The following DPF3 variants were observed in gnomAD, a reference collection of about 807,000 sequenced individuals.
The protein encoded by DPF3 is zinc finger protein DPF3.
Under a neutral mutation model 56.8 loss-of-function variants are expected in DPF3, and 18 were observed. The observed-to-expected ratio is 0.32, with a 90% confidence interval of 0.22 to 0.47. The LOEUF is 0.47. Among genes scored for constraint, DPF3 ranks in the 20% least tolerant of loss-of-function variants. The pLI is 1.00. For synonymous variants in DPF3, 188 were observed against 180.2 expected (o/e 1.04, Z -0.35); for missense variants, 403 against 488.8 (o/e 0.82, Z 1.65).
At chr14:72,695,635 A>ATGGTTGTGTTTTATGGCTGTGTAATAT (rs1887868679) in intron 6 of DPF3, among the ~76,000 whole-genome samples, 1 of 152,194 alleles carries the variant, frequency 6.6e-6, no homozygotes, top group African/African-American at 2.4e-5. Context: ...TCCACGGAAT[A>ATGGTTGTGTTTTATGGCTGTGTAATAT]TCCTGAACAC....
Position 72,815,570 on chromosome 14 carries a change from A to G in DPF3, c.33-43677T>C, listed in dbSNP as rs1883248688. ...TCTGCATAATGGCCAAAACTTGGGAACACCCAAGTGCTCATCAGTTGGTAA... is the reference window on the plus strand; with the variant it reads ...TCTGCATAATGGCCAAAACTTGGGAGCACCCAAGTGCTCATCAGTTGGTAA... On this transcript the variant is annotated intron_variant, in intron 1 of 10. Coordinates refer to ENST00000556509, the MANE Select transcript of DPF3 (RefSeq NM_001280542.3). 3.3e-5 allele frequency among the ~76,000 whole-genome samples: 5 copies of G among 152,376 alleles called. 1 individual carries two copies. In the South Asian group the frequency reaches 1.0e-3, roughly 32 times the overall value.
chr14:72,720,200 G>T (rs1177930873), intron 5 of DPF3, among the ~76,000 whole-genome samples: 1 of 152,110 alleles, frequency 6.6e-6, no homozygotes, highest in East Asian at 1.9e-4. Context: ...CACTTTAAAT[G>T]GTGGGCAATG....
intron 3 of DPF3, among the ~76,000 whole-genome samples, chr14:72,732,265 A>C (rs1889688853): frequency 6.6e-6 from 1 of 152,218 alleles, no homozygotes. Flanking sequence ...TGGAGCCCTT[A>C]TTGCATCCAC....
In DPF3 at chr14:72,613,467, C is replaced by T. The variant is rs191151895; in HGVS notation, c.*5830G>A. On this transcript the variant is annotated 3_prime_UTR_variant, in exon 11 of 11. Transcript: ENST00000556509. Reference sequence around the variant, plus strand: ...CGCCATCAGCAAAATACTCCCTTCTCCTGGTGGAGCCAAAGAAGGGGAACT... The same window carrying T: ...CGCCATCAGCAAAATACTCCCTTCTTCTGGTGGAGCCAAAGAAGGGGAACT... Among the ~76,000 whole-genome samples, 103 of 152,330 alleles carry T rather than the reference C, an allele frequency of 6.8e-4. No individual in the cohort carries two copies. The highest frequency in any genetic ancestry group is 1.1e-3 in the Non-Finnish European group (77 of 68,006).
At chr14:72,661,854 CTTTT>C (rs60114618) in intron 8 of DPF3, 34,729 of 914,058 alleles carry the variant, frequency 0.038, 74 homozygotes, top group Middle Eastern at 0.06. Context: ...TTTATTTTTG[CTTTT>C]TTTTTTTTTT....
At chr14:72,712,174 C>A (rs766189929) in intron 6 of DPF3, among the ~76,000 whole-genome samples, 1 of 151,980 alleles carries the variant, frequency 6.6e-6, no homozygotes, top group Non-Finnish European at 1.5e-5. Context: ...TGCCGTCAGG[C>A]CTCCCAGGCA....
At chr14:72,724,314 T>A (rs2139843374) in intron 4 of DPF3, among the ~76,000 whole-genome samples, 1 of 152,052 alleles carries the variant, frequency 6.6e-6, no homozygotes, top group East Asian at 1.9e-4. Context: ...TTTTAAATTA[T>A]CTCTCTCCAG....
chr14:72,877,048 T>C (rs1343552086), intron 1 of DPF3, among the ~76,000 whole-genome samples: 1 of 152,090 alleles, frequency 6.6e-6, no homozygotes, highest in African/African-American at 2.4e-5. Context: ...GTGCAATTCA[T>C]GGAGGAAAGG....
chr14:72,760,213 GTA>G (rs2032370697), intron 2 of DPF3, among the ~76,000 whole-genome samples: 1 of 152,168 alleles, frequency 6.6e-6, no homozygotes, highest in Non-Finnish European at 1.5e-5. Context: ...GCTCATACCT[GTA>G]ATCCCAACAA....
chr14:72,644,152 A>G (rs1250666494), intron 8 of DPF3, among the ~76,000 whole-genome samples: 1 of 152,192 alleles, frequency 6.6e-6, no homozygotes, highest in East Asian at 1.9e-4. Context: ...AAAAAGAAGA[A>G]ACAGCAATTG....
Position 72,687,334 on chromosome 14 carries a change from A to AG in DPF3, c.742+5741dup, listed in dbSNP as rs201458247. 4.0e-4 allele frequency among the ~76,000 whole-genome samples: 61 copies of AG among 152,346 alleles called. No individual in the cohort carries two copies. In the East Asian group the frequency reaches 0.01, roughly 26 times the overall value. On this transcript the variant is annotated intron_variant, in intron 7 of 10. Coordinates refer to ENST00000556509, the MANE Select transcript of DPF3 (RefSeq NM_001280542.3). ...TCATATTTTTTTAAATTTCCCTCTTAGGAGCTCTGAGTATGCTATAGAGAG... is the reference window on the plus strand; with the variant it reads ...TCATATTTTTTTAAATTTCCCTCTTAGGGAGCTCTGAGTATGCTATAGAGAG...
chr14:72,819,917 G>A lies in DPF3; in HGVS notation c.33-48024C>T, dbSNP rs547252653. 1.1e-4 allele frequency among the ~76,000 whole-genome samples: 17 copies of A among 152,242 alleles called. No individual in the cohort carries two copies. In the East Asian group the frequency reaches 1.3e-3, roughly 12 times the overall value. Reference sequence around the variant, plus strand: ...TGCACCACTACACTCCAACCTGGGCGACAAAGTGAGAACTTGTCTTATTAA... The same window carrying A: ...TGCACCACTACACTCCAACCTGGGCAACAAAGTGAGAACTTGTCTTATTAA... On this transcript the variant is annotated intron_variant, in intron 1 of 10. Coordinates refer to ENST00000556509, the MANE Select transcript of DPF3 (RefSeq NM_001280542.3).
intron 4 of DPF3, among the ~76,000 whole-genome samples, chr14:72,726,668 A>T (rs1175678130): frequency 6.6e-6 from 1 of 152,194 alleles, no homozygotes; most frequent in Non-Finnish European, 1.5e-5. Flanking sequence ...GGAGTCCTGC[A>T]TCAGGAGTCG....
At position 72,670,635 on chromosome 14, in the gene DPF3, TTCTCTCTC is replaced by T. The variant is rs140358812; in HGVS notation, c.871+3597_871+3604del. ...ATTGCTTCGATTTCTTTGATTTCCC[TTCTCTCTC>T]TCTCTCTCTCTCTCTCGCAAAAAAA... On this transcript the variant is annotated intron_variant, in intron 8 of 10. Transcript: ENST00000556509. 35 of 934,982 alleles carry T rather than the reference TTCTCTCTC, an allele frequency of 3.7e-5. No homozygotes were observed. The Admixed American group carries it at 1.1e-3, about 28-fold the overall frequency. The allele number at this position is 934,982 out of a possible 1,614,324, so 57.9% of individuals were successfully genotyped here. A position where few individuals can be genotyped will look rare whatever the true frequency, so the allele number is the denominator to read the frequency against.
chr14:72,753,563 C>T (rs1890667849), intron 2 of DPF3, among the ~76,000 whole-genome samples, 192 bp from the exon 3 acceptor site: 1 of 152,208 alleles, frequency 6.6e-6, no homozygotes, highest in Non-Finnish European at 1.5e-5. Flanking sequence ...GACCCTGGCT[C>T]TGTCAGCTCC....
At chr14:72,856,035 A>G (rs1885157677) in intron 1 of DPF3, among the ~76,000 whole-genome samples, 1 of 152,230 alleles carries the variant, frequency 6.6e-6, no homozygotes, top group African/African-American at 2.4e-5. Flanking sequence ...GTGTTGAATG[A>G]CTGTGGCCTC....
chr14:72,853,587 G>A (rs1206061649), intron 1 of DPF3, among the ~76,000 whole-genome samples: 1 of 146,708 alleles, frequency 6.8e-6, no homozygotes, highest in Non-Finnish European at 1.5e-5. Context: ...TGATTCTCCT[G>A]CCTCAGCCTC....
intron 9 of DPF3, among the ~76,000 whole-genome samples, chr14:72,621,670 AG>A (rs1193105338): frequency 1.3e-5 from 2 of 152,228 alleles, no homozygotes; most frequent in African/African-American, 4.8e-5. Context: ...TTCATTCAAG[AG>A]GCCCGGGGAC....
rs922991884 is a variant in DPF3, at chr14:72,893,933, G to A, written c.32+124C>T. 3.4e-5 allele frequency: 37 copies of A among 1,091,714 alleles called. No homozygotes were observed. In the African/African-American group the frequency reaches 5.3e-4, roughly 16 times the overall value. 67.6% of individuals were successfully genotyped at this position (1,091,714 alleles called of 1,614,324 possible). A position where few individuals can be genotyped will look rare whatever the true frequency, so the allele number is the denominator to read the frequency against. ...AAGAAGTAAGAGCTGAAAGAAGAGA[G>A]AAGCCCCGCCGCGGCTGGAGGCGCC... On this transcript the variant is annotated intron_variant, in intron 1 of 10. Transcript: ENST00000556509.
Sources: gnomAD v4.1 joint callset for allele counts (sites outside exome capture counted in the v4.1 genomes callset) on GRCh38, gnomAD v4.1.1 for gene constraint, MANE v1.5 for transcripts, NCBI Gene and HGNC (gene_info 2026-07-23, HGNC 2026-07-21) for gene names.